Variants in CEP295 observed in about 807,000 individuals in gnomAD.
CEP295 encodes centrosomal protein 295, also known as centrosomal protein of 295 kDa.
CEP295 carries 190 observed loss-of-function variants against 291.6 expected under a neutral mutation model. That is an observed-to-expected ratio of 0.65 (90% CI 0.58 to 0.73). The LOEUF (loss-of-function observed/expected upper bound fraction) is 0.73. Among genes scored for constraint, CEP295 ranks in the 30% least tolerant of loss-of-function variants. The probability of loss-of-function intolerance (pLI) is 0.00; values close to 1 mark genes in which losing one functional copy is unlikely to be tolerated. For missense variants in CEP295, 2,863 were observed against 2,949.4 expected, an observed-to-expected ratio of 0.97 and a Z score of 0.68; for synonymous variants, 993 against 1,038.8, an observed-to-expected ratio of 0.96 and a Z score of 0.85.
chr11:93,701,373 A>G (rs2135140065), intron 15 of CEP295, among the ~76,000 whole-genome samples: 1 of 152,312 alleles, frequency 6.6e-6, no homozygotes. Flanking sequence ...AAAAAAATAA[A>G]TAAATGAAAG....
At chr11:93,723,604 G>T in intron 21 of CEP295, 1 of 195,508 alleles carries the variant, frequency 5.1e-6, no homozygotes, top group East Asian at 1.3e-4. Context: ...CTGGATTTGA[G>T]TCATAGCCTG....
At chr11:93,715,847 G>A (rs1226295145) in intron 18 of CEP295, among the ~76,000 whole-genome samples, 1 of 151,850 alleles carries the variant, frequency 6.6e-6, no homozygotes, top group East Asian at 1.9e-4. Context: ...TGACTGAGTG[G>A]GTATTCAATT....
intron 5 of CEP295, 57 bp downstream of exon 5, chr11:93,669,827 A>G: frequency 2.7e-6 from 3 of 1,118,608 alleles, no homozygotes; most frequent in African/African-American, 1.6e-5. Flanking sequence ...ATTATAATTC[A>G]GTGGAGGTCA....
At chr11:93,683,468 C>A in intron 7 of CEP295, 91 bp from the exon 8 acceptor site, 1 of 897,654 alleles carries the variant, frequency 1.1e-6, no homozygotes, top group Non-Finnish European at 1.6e-6. Flanking sequence ...AAGCTTAGAC[C>A]CTGATCCTCA....
chr11:93,717,452 T>C (rs560945904), intron 18 of CEP295, among the ~76,000 whole-genome samples: 8 of 152,270 alleles, frequency 5.3e-5, no homozygotes, highest in South Asian at 2.1e-4. Context: ...GAAGGACTTA[T>C]AGGATTTGGG....
intron 20 of CEP295, 48 bp from the exon 21 acceptor site, chr11:93,722,992 GC>G (rs1191711822): frequency 8.8e-6 from 13 of 1,481,480 alleles, no homozygotes; most frequent in Non-Finnish European, 1.2e-5. Flanking sequence ...ACAGGCGTGA[GC>G]CATCACGCCT....
At chr11:93,691,863 G>A in intron 11 of CEP295, 64 bp from the exon 12 acceptor site, 2 of 1,283,628 alleles carry the variant, frequency 1.6e-6, no homozygotes, top group Non-Finnish European at 2.2e-6. Flanking sequence ...TTAAGAAAGG[G>A]CATTATAGTG....
intron 21 of CEP295, chr11:93,723,658 C>T: frequency 6.0e-6 from 1 of 167,800 alleles, no homozygotes; most frequent in Non-Finnish European, 1.3e-5. Context: ...ACTTTTTAAT[C>T]TTTTATAAAA....
intron 6 of CEP295, among the ~76,000 whole-genome samples, chr11:93,677,561 G>A (rs1318988879): frequency 6.6e-6 from 1 of 152,008 alleles, no homozygotes; most frequent in Non-Finnish European, 1.5e-5. Context: ...AACATCATAC[G>A]CTTAAAAGTC....
rs1351313200 is a variant in CEP295 at position 93,729,680 on chromosome 11, C to T, written c.7466C>T (p.Ser2489Leu). 1.9e-5 allele frequency: 29 copies of T among 1,550,472 alleles called. No homozygotes were observed. In the Admixed American group the frequency reaches 5.7e-4, roughly 30 times the overall value. ...GAAGCATTTATAAAGAGGAAAAAAT[C>T]ATTTATGGAGAGATCCCACCAGAGG... ...LQEAFIKRKK[S>L]FMERSHQRQK... is the part of the protein sequence containing the mutation. The change falls in exon 27 of 30, where the codon TCA becomes TTA. Residue 2489 changes from serine (S) to leucine (L), a missense_variant. Physicochemically the swap from Ser to Leu is moderately radical, Grantham distance 145. Coordinates refer to ENST00000325212, the MANE Select transcript of CEP295 (RefSeq NM_033395.2).
intron 17 of CEP295, among the ~76,000 whole-genome samples, chr11:93,703,808 G>A (rs1191516644): frequency 3.7e-5 from 5 of 134,026 alleles, no homozygotes; most frequent in African/African-American, 5.7e-5. Flanking sequence ...TCGCTCTGTC[G>A]CCCAGGCTGG....
chr11:93,668,955 A>G, intron 4 of CEP295, 23 bp downstream of exon 4: 2 of 994,002 alleles, frequency 2.0e-6, no homozygotes, highest in Non-Finnish European at 3.0e-6. Flanking sequence ...TTTTTACTAT[A>G]ATCTCAACTG....
intron 9 of CEP295, among the ~76,000 whole-genome samples, chr11:93,684,566 C>T (rs1417417982): frequency 2.0e-5 from 3 of 152,142 alleles, no homozygotes; most frequent in South Asian, 2.1e-4. Context: ...TGTCCCATCC[C>T]GTGGAACATG....
chr11:93,727,801 A>G (rs1954269366), intron 24 of CEP295, 164 bp downstream of exon 24: 1 of 573,482 alleles, frequency 1.7e-6, no homozygotes, highest in Non-Finnish European at 3.0e-6. Context: ...TAGTTTGGAC[A>G]CACCACAATG....
Position 93,725,830 on chromosome 11 carries a change from G to A in CEP295, c.6498G>A (p.Gly2166=). 3 of 1,547,672 alleles carry A rather than the reference G, an allele frequency of 1.9e-6. No individual in the cohort carries two copies. Among genetic ancestry groups the A allele is most frequent in the Non-Finnish European group, 2.6e-6 (3 of 1,145,798 alleles). ...GTTTTGCTACAGAAAATATTATTGG[G>A]GGTATGTATGACTAAGTTAGAAAAA... ...AHSFATENII[G]GSEQCFEQLQ... The change falls in exon 23 of 30, where the codon GGG becomes GGA. Residue 2166 remains glycine (G), a splice_region_variant and synonymous_variant. Coordinates refer to ENST00000325212, the MANE Select transcript of CEP295 (RefSeq NM_033395.2).
At chr11:93,721,449 C>A in intron 19 of CEP295, 37 bp downstream of exon 19, 1 of 1,278,168 alleles carries the variant, frequency 7.8e-7, no homozygotes, top group Non-Finnish European at 1.1e-6. Context: ...ATTTTTAGAG[C>A]TGTTTGGCTT....
intron 1 of CEP295, among the ~76,000 whole-genome samples, chr11:93,665,571 G>A (rs1950171724): frequency 6.6e-6 from 1 of 152,204 alleles, no homozygotes; most frequent in Non-Finnish European, 1.5e-5. Context: ...AGCTGGGTGT[G>A]ATGGCGCATG....
Position 93,698,637 on chromosome 11 carries a change from G to A in CEP295, c.3725G>A (p.Arg1242Lys). The A allele has an allele frequency of 1.3e-6, 2 of 1,551,082 alleles. No homozygotes were observed. The highest frequency in any genetic ancestry group is 1.7e-6 in the Non-Finnish European group (2 of 1,147,126). ...CCTAAGATCCCAAGATGTCAGGAAA[G>A]ACTTTTGAGAGTTTCACAACATATG... is the stretch of plus-strand genomic sequence containing the variant. ...SHPKIPRCQE[R>K]LLRVSQHMLP... Residue 1242 changes from arginine (R) to lysine (K), a missense_variant, in exon 15 of 30, where the codon AGA becomes AAA. Physicochemically the swap from Arg to Lys is conservative, Grantham distance 26. Around this residue, in one of 3 missense-constraint regions of CEP295, gnomAD observed 2,295 missense variants for 2,335.7 expected, o/e 0.98. Coordinates refer to ENST00000325212, the MANE Select transcript of CEP295 (RefSeq NM_033395.2).
chr11:93,680,655 C>A (rs116602315), intron 7 of CEP295, among the ~76,000 whole-genome samples: 2,248 of 152,192 alleles, frequency 0.015, 48 homozygotes, highest in African/African-American at 0.051. Context: ...GTCAATCAAT[C>A]AATAAATAGT....
Sources: gnomAD v4.1 joint callset for allele counts (sites outside exome capture counted in the v4.1 genomes callset) on GRCh38, gnomAD v4.1.1 for gene constraint, gnomAD v4.1.1 regional missense constraint, MANE v1.5 for transcripts, NCBI Gene and HGNC (gene_info 2026-07-23, HGNC 2026-07-21) for gene names.